EXOC4: variants seen among roughly 807,000 people sequenced by gnomAD.
The protein encoded by EXOC4 is SEC8-like 1.
A neutral mutation model predicts 107.2 loss-of-function variants in EXOC4; 71 were observed. The observed-to-expected ratio is 0.66, with a 90% confidence interval of 0.55 to 0.81. The LOEUF is 0.81. Ranked by LOEUF, EXOC4 falls within the 30% of genes least tolerant of loss-of-function variation. The probability of loss-of-function intolerance (pLI) is 0.00; values close to 1 mark genes in which losing one functional copy is unlikely to be tolerated. For missense variants in EXOC4, 1,108 were observed against 1,189.6 expected, an observed-to-expected ratio of 0.93 and a Z score of 1.01; for synonymous variants, 456 against 441.2, an observed-to-expected ratio of 1.03 and a Z score of -0.42.
chr7:133,371,206 A>T (rs1020524534), intron 6 of EXOC4, among the ~76,000 whole-genome samples: 1 of 151,988 alleles, frequency 6.6e-6, no homozygotes. Flanking sequence ...CACTCTCCCC[A>T]CTCAGAGCCA....
chr7:133,418,746 T>C (rs1797535445), intron 7 of EXOC4, among the ~76,000 whole-genome samples: 1 of 152,180 alleles, frequency 6.6e-6, no homozygotes, highest in Non-Finnish European at 1.5e-5. Flanking sequence ...TTTAGGGTTA[T>C]TGTGAATATT....
intron 10 of EXOC4, among the ~76,000 whole-genome samples, chr7:133,810,926 C>A (rs1797212692): frequency 6.6e-6 from 1 of 152,096 alleles, no homozygotes; most frequent in East Asian, 1.9e-4. Flanking sequence ...AGCTACCGCG[C>A]CCGGCCAGAT....
chr7:133,376,832 A>T (rs758822296), intron 7 of EXOC4, among the ~76,000 whole-genome samples: 2 of 152,144 alleles, frequency 1.3e-5, no homozygotes, highest in Non-Finnish European at 2.9e-5. Context: ...GCTACTATAG[A>T]TCTCATACAG....
At chr7:133,475,299 A>G in intron 7 of EXOC4, 29 bp from the exon 8 acceptor site, 1 of 1,560,606 alleles carries the variant, frequency 6.4e-7, no homozygotes, top group East Asian at 2.3e-5. Flanking sequence ...TGTGTATATT[A>G]ACATTAACTG....
chr7:133,293,966 G>A (rs114780630), intron 3 of EXOC4, among the ~76,000 whole-genome samples: 3,152 of 152,288 alleles, frequency 0.021, 108 homozygotes, highest in African/African-American at 0.071. Context: ...TCTGGTTGCA[G>A]CATCACATTT....
At chr7:134,030,371 T>A (rs1585335536) in intron 17 of EXOC4, among the ~76,000 whole-genome samples, 1 of 152,196 alleles carries the variant, frequency 6.6e-6, no homozygotes, top group Non-Finnish European at 1.5e-5. Flanking sequence ...ATGTGGTATA[T>A]CCATGCAGCA....
chr7:133,975,377 T>G (rs951888217), intron 14 of EXOC4, among the ~76,000 whole-genome samples: 3 of 152,172 alleles, frequency 2.0e-5, no homozygotes, highest in African/African-American at 7.2e-5. Flanking sequence ...TGGGTGATTT[T>G]TCTTCTCCAG....
intron 10 of EXOC4, among the ~76,000 whole-genome samples, chr7:133,694,777 A>G (rs1794496371): frequency 6.6e-6 from 1 of 152,066 alleles, no homozygotes; most frequent in African/African-American, 2.4e-5. Context: ...TAGTCACCCT[A>G]TTGCACCATC....
chr7:133,899,958 G>A (rs1292869582), intron 12 of EXOC4, among the ~76,000 whole-genome samples: 1 of 151,962 alleles, frequency 6.6e-6, no homozygotes, highest in Non-Finnish European at 1.5e-5. Context: ...TGTTGGCCAG[G>A]CTGGTCTCGA....
chr7:133,430,824 A>G (rs1315140081), intron 7 of EXOC4, among the ~76,000 whole-genome samples: 1 of 152,170 alleles, frequency 6.6e-6, no homozygotes, highest in Non-Finnish European at 1.5e-5. Context: ...CTATACTGGA[A>G]TGAGTTACTG....
chr7:133,362,960 T>A (rs1796166818), intron 6 of EXOC4, among the ~76,000 whole-genome samples: 1 of 152,190 alleles, frequency 6.6e-6, no homozygotes, highest in Non-Finnish European at 1.5e-5. Flanking sequence ...TCCTTGTGGC[T>A]TCTTATAGCC....
chr7:133,465,787 G>C (rs1341570266), intron 7 of EXOC4, among the ~76,000 whole-genome samples: 1 of 152,070 alleles, frequency 6.6e-6, no homozygotes, highest in Admixed American at 6.5e-5. Context: ...ATATACCATG[G>C]GTAACAGAAG....
intron 11 of EXOC4, among the ~76,000 whole-genome samples, chr7:133,831,561 A>ATTT (rs55833548): frequency 4.1e-5 from 6 of 146,578 alleles, no homozygotes; most frequent in South Asian, 2.1e-4. Flanking sequence ...CATCTTTGTG[A>ATTT]TTTTTTTTTT....
chr7:133,296,796 T>C (rs1055675660), intron 3 of EXOC4, among the ~76,000 whole-genome samples: 1 of 152,132 alleles, frequency 6.6e-6, no homozygotes, highest in Non-Finnish European at 1.5e-5. Context: ...TTCAGCAATT[T>C]CCATTTGGCT....
intron 17 of EXOC4, among the ~76,000 whole-genome samples, chr7:134,008,867 G>A (rs905213603): frequency 1.8e-4 from 27 of 152,070 alleles, no homozygotes; most frequent in Non-Finnish European, 3.5e-4. Context: ...CTGGCCTCAC[G>A]CAATCCTCCT....
At chr7:133,820,154 A>ATTTTTTTTTTTTTT (rs35640945) in intron 11 of EXOC4, among the ~76,000 whole-genome samples, 5 of 70,300 alleles carry the variant, frequency 7.1e-5, no homozygotes, top group Non-Finnish European at 1.1e-4. Flanking sequence ...CACCTGCTTC[A>ATTTTTTTTTTTTTT]TTTTTTTTTT....
chr7:133,551,504 G>C (rs532686174), intron 9 of EXOC4: 2 of 152,070 alleles, frequency 1.3e-5, no homozygotes, highest in African/African-American at 4.8e-5. Context: ...CGTAACTGCC[G>C]TGCATTTTAC....
chr7:133,377,448 A>C (rs1796514291), intron 7 of EXOC4, among the ~76,000 whole-genome samples: 1 of 152,204 alleles, frequency 6.6e-6, no homozygotes, highest in African/African-American at 2.4e-5. Flanking sequence ...AGTGAATTTG[A>C]GGATAGATCA....
At chr7:133,669,614 A>G (rs1793901222) in intron 10 of EXOC4, among the ~76,000 whole-genome samples, 1 of 152,210 alleles carries the variant, frequency 6.6e-6, no homozygotes, top group Non-Finnish European at 1.5e-5. Flanking sequence ...ATGTGAGAAG[A>G]TATGTCCCTT....
Sources: gnomAD v4.1 joint callset for allele counts (sites outside exome capture counted in the v4.1 genomes callset) on GRCh38, gnomAD v4.1.1 for gene constraint, MANE v1.5 for transcripts, NCBI Gene and HGNC (gene_info 2026-07-23, HGNC 2026-07-21) for gene names.